Variants in DPY19L3 observed in about 807,000 individuals in gnomAD.
DPY19L3 encodes the protein protein C-mannosyl-transferase DPY19L3.
DPY19L3 carries 51 observed loss-of-function variants against 92.3 expected under a neutral mutation model. That is an observed-to-expected ratio of 0.55 (90% confidence interval 0.44 to 0.70). DPY19L3 has a LOEUF of 0.70. DPY19L3 is among the 30% of genes least tolerant of loss of function. DPY19L3 has a pLI of 0.00. For synonymous variants in DPY19L3, 309 were observed against 315.2 expected (o/e 0.98, Z 0.21); for missense variants, 706 against 855.9 (o/e 0.82, Z 2.18).
At chr19:32,447,158 A>C (rs1406789305) in intron 8 of DPY19L3, among the ~76,000 whole-genome samples, 1 of 152,224 alleles carries the variant, frequency 6.6e-6, no homozygotes, top group African/African-American at 2.4e-5. Flanking sequence ...ACACTAAAAA[A>C]GAGTCTAAGA....
intron 4 of DPY19L3, among the ~76,000 whole-genome samples, chr19:32,433,583 T>A (rs755882798): frequency 6.6e-6 from 1 of 151,914 alleles, no homozygotes; most frequent in Non-Finnish European, 1.5e-5. Context: ...ACGTTCATTT[T>A]TTGTTTTGTT....
At position 32,437,065 on chromosome 19, in the gene DPY19L3, G is replaced by A. The variant is rs1009305410; in HGVS notation, c.451-129G>A. On this transcript the variant is annotated intron_variant, in intron 5 of 18. Transcript: ENST00000392250. ...CGAACGCTTCTCTAATAGATGAAAGGGGTGTGGGCTTGCTGCTTGGAATTA... is the reference window on the plus strand; with the variant it reads ...CGAACGCTTCTCTAATAGATGAAAGAGGTGTGGGCTTGCTGCTTGGAATTA... The A allele has an allele frequency of 2.6e-5, 27 of 1,058,708 alleles. No individual in the cohort carries two copies. In the Admixed American group the frequency reaches 6.3e-4, roughly 25 times the overall value. 65.6% of individuals were successfully genotyped at this position (1,058,708 alleles called of 1,614,324 possible).
At chr19:32,435,247 A>G (rs1313650551) in intron 4 of DPY19L3, among the ~76,000 whole-genome samples, 1 of 152,152 alleles carries the variant, frequency 6.6e-6, no homozygotes, top group Non-Finnish European at 1.5e-5. Context: ...ATGTGACCTC[A>G]CTTACCCTTT....
intron 16 of DPY19L3, among the ~76,000 whole-genome samples, chr19:32,471,644 C>T (rs1204269822): frequency 1.3e-5 from 2 of 152,168 alleles, no homozygotes; most frequent in African/African-American, 2.4e-5. Flanking sequence ...TGAGGCATTA[C>T]GTTGTGCTCC....
intron 8 of DPY19L3, among the ~76,000 whole-genome samples, chr19:32,445,213 A>G (rs750541391): frequency 1.3e-4 from 19 of 151,764 alleles, no homozygotes; most frequent in Middle Eastern, 3.4e-3. Flanking sequence ...AGGCCGAGGC[A>G]GACGGATCAT....
chr19:32,467,537 G>A (rs1970235484), intron 15 of DPY19L3: 1 of 987,596 alleles, frequency 1.0e-6, no homozygotes, highest in Non-Finnish European at 1.2e-6. Context: ...CCACCCAGGA[G>A]ACAAGATTTG....
At chr19:32,468,416 A>G (rs1182375717) in intron 15 of DPY19L3, 26 of 1,033,318 alleles carry the variant, frequency 2.5e-5, no homozygotes, top group Non-Finnish European at 3.0e-5. Context: ...TCATGTCAAA[A>G]TAATGTTTTG....
intron 12 of DPY19L3, among the ~76,000 whole-genome samples, chr19:32,462,501 A>G (rs1970070763): frequency 6.7e-6 from 1 of 149,150 alleles, no homozygotes; most frequent in African/African-American, 2.6e-5. Context: ...TAACCCCGTG[A>G]AGTGTTCTTG....
rs1356494779 is a variant in DPY19L3 at position 32,410,989 on chromosome 19, A to C, written c.104-250A>C. On this transcript the variant is annotated intron_variant, in intron 2 of 18. Transcript: ENST00000392250. The stretch of plus-strand genomic sequence containing the variant: ...CCTCAGTATTAAACATGAATAAGAT[A>C]ATGTATTTGTCTTCAAGAAGCTCAC... 2.6e-5 allele frequency among the ~76,000 whole-genome samples: 4 copies of C among 152,308 alleles called. No individual in the cohort carries two copies. The East Asian group carries it at 7.7e-4, about 29-fold the overall frequency.
At chr19:32,455,664 C>T (rs752963999) in intron 10 of DPY19L3, among the ~76,000 whole-genome samples, 17 of 152,122 alleles carry the variant, frequency 1.1e-4, no homozygotes, top group Non-Finnish European at 1.9e-4. Context: ...TTTTTCCCAA[C>T]ATTTAACTGA....
intron 8 of DPY19L3, among the ~76,000 whole-genome samples, chr19:32,449,691 A>G (rs1969633588): frequency 6.6e-6 from 1 of 152,212 alleles, no homozygotes; most frequent in Admixed American, 6.5e-5. Context: ...TTTTCAACAA[A>G]TGGTGCAGGA....
intron 17 of DPY19L3, among the ~76,000 whole-genome samples, chr19:32,479,980 G>A (rs1970624635): frequency 6.6e-6 from 1 of 152,216 alleles, no homozygotes; most frequent in Non-Finnish European, 1.5e-5. Context: ...CTGCCTTATT[G>A]GGACGTGTGT....
At chr19:32,466,239 C>T (rs1488644880) in intron 15 of DPY19L3, among the ~76,000 whole-genome samples, 5 of 152,264 alleles carry the variant, frequency 3.3e-5, no homozygotes, top group African/African-American at 9.6e-5. Flanking sequence ...ATTCTTGAAG[C>T]GTGGTCCTCA....
At chr19:32,476,322 A>G (rs1205387449) in intron 16 of DPY19L3, among the ~76,000 whole-genome samples, 2 of 152,112 alleles carry the variant, frequency 1.3e-5, no homozygotes, top group African/African-American at 2.4e-5. Context: ...ATGATTTTAA[A>G]TAAACTCCTC....
At position 32,454,136 on chromosome 19, in the gene DPY19L3, T is replaced by C. The variant is rs572743682; in HGVS notation, c.988-803T>C. On this transcript the variant is annotated intron_variant, in intron 9 of 18. Coordinates refer to ENST00000392250, the MANE Select transcript of DPY19L3 (RefSeq NM_001172774.2). ...ACTCGTATTTGAACTGTTAAGATATTATTATATTTAACAATGTATAAAATT... is the reference window on the plus strand; with the variant it reads ...ACTCGTATTTGAACTGTTAAGATATCATTATATTTAACAATGTATAAAATT... Among the ~76,000 whole-genome samples the C allele has an allele frequency of 4.6e-5, 7 of 152,338 alleles. No homozygotes were observed. The East Asian group carries it at 9.6e-4, about 21-fold the overall frequency.
At chr19:32,470,254 T>G (rs530115081) in intron 16 of DPY19L3, among the ~76,000 whole-genome samples, 1 of 152,356 alleles carries the variant, frequency 6.6e-6, no homozygotes, top group South Asian at 2.1e-4. Flanking sequence ...TCAGTATTTA[T>G]TATGTACAAG....
chr19:32,458,182 G>T lies in DPY19L3; in HGVS notation c.1163+9G>T. The T allele has an allele frequency of 6.2e-7, 1 of 1,610,718 alleles. No homozygotes were observed. Among genetic ancestry groups the T allele is most frequent in the Non-Finnish European group, 8.5e-7 (1 of 1,178,414 alleles). ...GGGCTTGGAGCAACAAGGTATAACTGAATTGAAAGTCTATGTTTGCTATTT... is the reference window on the plus strand; with the variant it reads ...GGGCTTGGAGCAACAAGGTATAACTTAATTGAAAGTCTATGTTTGCTATTT... On this transcript the variant is annotated intron_variant, in intron 11 of 18. Transcript: ENST00000392250.
chr19:32,472,478 A>G (rs900225578), intron 16 of DPY19L3, among the ~76,000 whole-genome samples: 4 of 150,508 alleles, frequency 2.7e-5, no homozygotes, highest in African/African-American at 9.8e-5. Context: ...ATATATTCAT[A>G]TTTACCCTTC....
At chr19:32,410,709 G>C (rs1462116420) in intron 2 of DPY19L3, among the ~76,000 whole-genome samples, 1 of 152,126 alleles carries the variant, frequency 6.6e-6, no homozygotes, top group Non-Finnish European at 1.5e-5. Context: ...CTTGAACCTA[G>C]GAGGCAGAGG....
Sources: gnomAD v4.1 joint callset for allele counts (sites outside exome capture counted in the v4.1 genomes callset) on GRCh38, gnomAD v4.1.1 for gene constraint, MANE v1.5 for transcripts, NCBI Gene and HGNC (gene_info 2026-07-23, HGNC 2026-07-21) for gene names.